The following RASSF5 variants were observed in gnomAD, a reference collection of about 807,000 sequenced individuals.
RASSF5 encodes the protein ras association domain-containing protein 5.
Under a neutral mutation model 40.5 loss-of-function variants are expected in RASSF5, and 25 were observed. The ratio of observed to expected loss-of-function variants is 0.62; its 90% CI spans 0.45 to 0.86. RASSF5 has a LOEUF of 0.86. RASSF5 is among the 40% of genes least tolerant of loss of function. The pLI, the probability that RASSF5 is intolerant of heterozygous loss-of-function variation, is 0.00. For missense variants in RASSF5, 521 were observed against 572.8 expected, an observed-to-expected ratio of 0.91 and a Z score of 0.92; for synonymous variants, 246 against 252.4, an observed-to-expected ratio of 0.97 and a Z score of 0.24.
intron 2 of RASSF5, among the ~76,000 whole-genome samples, chr1:206,561,736 G>A (rs1410069850): frequency 6.8e-6 from 1 of 148,120 alleles, no homozygotes; most frequent in Admixed American, 6.7e-5. Flanking sequence ...CGCGATCTCG[G>A]CTCACTGCAA....
chr1:206,573,379 A>T (rs1553404572), intron 2 of RASSF5, among the ~76,000 whole-genome samples: 1 of 152,218 alleles, frequency 6.6e-6, no homozygotes, highest in African/African-American at 2.4e-5. Flanking sequence ...TCAGAAGCCA[A>T]ATACACACTC....
intron 2 of RASSF5, chr1:206,582,975 C>T (rs531828272): frequency 6.4e-5 from 17 of 263,692 alleles, no homozygotes; most frequent in Non-Finnish European, 1.0e-4. Flanking sequence ...GAGTGCCAGA[C>T]GCTTTCACAC....
intron 2 of RASSF5, among the ~76,000 whole-genome samples, chr1:206,546,833 T>C (rs1667706402): frequency 6.6e-6 from 1 of 152,258 alleles, no homozygotes; most frequent in South Asian, 2.1e-4. Flanking sequence ...ACCTAAATTA[T>C]GGTTTCTATC....
chr1:206,562,552 T>G (rs967137099), intron 2 of RASSF5, among the ~76,000 whole-genome samples: 34 of 152,134 alleles, frequency 2.2e-4, no homozygotes, highest in African/African-American at 8.2e-4. Flanking sequence ...GCCCGCTGCC[T>G]CCTCTGGCCC....
chr1:206,563,113 TG>T (rs1668191706), intron 2 of RASSF5, among the ~76,000 whole-genome samples: 1 of 152,104 alleles, frequency 6.6e-6, no homozygotes, highest in Non-Finnish European at 1.5e-5. Flanking sequence ...GGATAACACA[TG>T]GGAAGCTTGT....
intron 2 of RASSF5, 142 bp downstream of exon 2, chr1:206,538,435 C>T (rs562844414): frequency 7.8e-6 from 9 of 1,159,496 alleles, no homozygotes; most frequent in South Asian, 2.9e-5. Context: ...TTCACAGACA[C>T]CCTGTTCCAA....
rs1384829441 is a variant in RASSF5, at chr1:206,531,289, G to A, written c.458-6883G>A. 2.0e-5 allele frequency among the ~76,000 whole-genome samples: 3 copies of A among 152,318 alleles called. No homozygotes were observed. Among genetic ancestry groups the A allele is most frequent in the South Asian group, 2.1e-4 (1 of 4,826 alleles). ...GCTAGTGAATGGGCTTCCCAAACTCGGAGCAGGGCCCAGAGCAAAGGGCTG... is the reference window on the plus strand; with the variant it reads ...GCTAGTGAATGGGCTTCCCAAACTCAGAGCAGGGCCCAGAGCAAAGGGCTG... On this transcript the variant is annotated intron_variant, in intron 1 of 5. Transcript: ENST00000579436. The surrounding 1 kb of genome is among the most constrained non-coding windows in gnomAD (Gnocchi z 4.7).
intron 2 of RASSF5, among the ~76,000 whole-genome samples, chr1:206,564,804 G>A (rs782395949): frequency 3.3e-5 from 5 of 152,184 alleles, no homozygotes; most frequent in Non-Finnish European, 7.4e-5. Flanking sequence ...AGAGACAAGA[G>A]GATGAGATAA....
At chr1:206,569,926 T>C (rs1668395180) in intron 2 of RASSF5, among the ~76,000 whole-genome samples, 1 of 152,134 alleles carries the variant, frequency 6.6e-6, no homozygotes, top group African/African-American at 2.4e-5. Flanking sequence ...GTTGCTTAGA[T>C]GTGGCATTGA....
At position 206,583,663 on chromosome 1, in the gene RASSF5, C is replaced by G. The variant is rs1024358773; in HGVS notation, c.690+284C>G. Reference sequence around the variant, plus strand: ...GTGTAAACTAAGTGATTAAACGGTACGTAATGACCAAGGGCCCAGTATTGC... The same window carrying G: ...GTGTAAACTAAGTGATTAAACGGTAGGTAATGACCAAGGGCCCAGTATTGC... On this transcript the variant is annotated intron_variant, in intron 3 of 5. Coordinates refer to ENST00000579436, the MANE Select transcript of RASSF5 (RefSeq NM_182663.4). The G allele has an allele frequency of 2.8e-5, 11 of 393,174 alleles. No individual in the cohort carries two copies. The East Asian group carries it at 3.9e-4, about 14-fold the overall frequency. The allele number at this position is 393,174 out of a possible 1,614,324, so 24.4% of individuals were successfully genotyped here. A position where few individuals can be genotyped will look rare whatever the true frequency, so the allele number is the denominator to read the frequency against.
In RASSF5 at chr1:206,585,187, C is replaced by T. The variant is rs782493973; in HGVS notation, c.996C>T (p.Phe332=). 1.2e-6 allele frequency: 2 copies of T among 1,613,830 alleles called. No homozygotes were observed. Among genetic ancestry groups the T allele is most frequent in the Admixed American group, 1.7e-5 (1 of 60,014 alleles). Residue 332 remains phenylalanine, a synonymous_variant, in exon 5 of 6, where the codon TTC becomes TTT. Transcript: ENST00000579436. The stretch of plus-strand genomic sequence containing the variant: ...CCCTCTCTTGGTTTGCAGTGCTCTT[C>T]CAGAAACTCTCCATTGCTGACCGCC... ...KRIHKDGQVL[F]QKLSIADRPL...
intron 2 of RASSF5, among the ~76,000 whole-genome samples, chr1:206,563,855 G>T (rs138945106): frequency 6.6e-6 from 1 of 152,350 alleles, no homozygotes; most frequent in African/African-American, 2.4e-5. Context: ...AGTAGAGACA[G>T]ATTCAAGGAG....
intron 2 of RASSF5, among the ~76,000 whole-genome samples, chr1:206,566,972 G>A (rs1360202308): frequency 1.3e-5 from 2 of 152,146 alleles, no homozygotes; most frequent in Non-Finnish European, 2.9e-5. Flanking sequence ...TTTAGGGCAA[G>A]GTTTGTGAAA....
chr1:206,509,444 A>G (rs368124256), intron 1 of RASSF5, among the ~76,000 whole-genome samples: 7 of 152,362 alleles, frequency 4.6e-5, no homozygotes, highest in Middle Eastern at 3.4e-3. Flanking sequence ...GTAGAGGTAC[A>G]TGTTGTGGGT....
chr1:206,546,089 A>ATTTTTTTTTTTTTTTTTTTTTTTTTTT (rs10603701), intron 2 of RASSF5, among the ~76,000 whole-genome samples: 1 of 48,248 alleles, frequency 2.1e-5, no homozygotes, highest in Non-Finnish European at 3.7e-5. Flanking sequence ...TTCTTTTTCT[A>ATTTTTTTTTTTTTTTTTTTTTTTTTTT]TTTTTTTTTT....
intron 1 of RASSF5, among the ~76,000 whole-genome samples, chr1:206,526,557 T>C (rs1667102362): frequency 1.3e-5 from 2 of 152,180 alleles, no homozygotes; most frequent in South Asian, 2.1e-4. Flanking sequence ...AGCCAGGAGT[T>C]TGAAAAACTT....
chr1:206,519,165 C>T (rs934578107), intron 1 of RASSF5, among the ~76,000 whole-genome samples: 13 of 152,136 alleles, frequency 8.5e-5, no homozygotes, highest in African/African-American at 1.7e-4. Context: ...GACGGCATAG[C>T]GGTGAGTGAA....
intron 1 of RASSF5, among the ~76,000 whole-genome samples, chr1:206,521,329 T>C (rs1025560061): frequency 1.3e-5 from 2 of 152,180 alleles, no homozygotes; most frequent in African/African-American, 4.8e-5. Flanking sequence ...AAAAGCCTGC[T>C]TTCGCCCGGT....
chr1:206,534,597 T>C (rs1478068012), intron 1 of RASSF5, among the ~76,000 whole-genome samples: 1 of 152,168 alleles, frequency 6.6e-6, no homozygotes, highest in East Asian at 1.9e-4. Flanking sequence ...GCCTGCACCC[T>C]GAAGCCCTCC....
Sources: allele counts gnomAD v4.1 joint callset (sites outside exome capture counted in the v4.1 genomes callset), GRCh38; gene constraint gnomAD v4.1.1; non-coding constraint Gnocchi (gnomAD v3.1); transcripts MANE v1.5; gene names NCBI Gene and HGNC (gene_info 2026-07-23, HGNC 2026-07-21).